The following SCP2 variants were observed in gnomAD, a reference collection of about 807,000 sequenced individuals.
SCP2 encodes sterol carrier protein 2, also known as SCP-2/3-oxoacyl-CoA thiolase.
SCP2 carries 48 observed loss-of-function variants against 71.4 expected under a neutral mutation model. The observed-to-expected ratio is 0.67, with a 90% CI of 0.53 to 0.86. The LOEUF (loss-of-function observed/expected upper bound fraction) is 0.86, where lower values mean the gene tolerates loss of function less well. Ranked by LOEUF, SCP2 falls within the 40% of genes least tolerant of loss-of-function variation. The pLI, the probability that SCP2 is intolerant of heterozygous loss-of-function variation, is 0.00. For synonymous variants in SCP2, 220 were observed against 218.1 expected, an observed-to-expected ratio of 1.01 and a Z score of -0.08; for missense variants, 560 against 655.6, an observed-to-expected ratio of 0.85 and a Z score of 1.59.
intron 11 of SCP2, among the ~76,000 whole-genome samples, chr1:52,988,625 T>G (rs1659198961): frequency 6.6e-6 from 1 of 152,134 alleles, no homozygotes; most frequent in Non-Finnish European, 1.5e-5. Flanking sequence ...TGGTTTCTGT[T>G]TTTTTAAATA....
At chr1:52,989,210 T>C (rs1023190925) in intron 11 of SCP2, among the ~76,000 whole-genome samples, 1 of 152,218 alleles carries the variant, frequency 6.6e-6, no homozygotes, top group Non-Finnish European at 1.5e-5. Context: ...CTAAGAATTA[T>C]GGGGATGATC....
At chr1:53,032,014 T>C (rs4638058) in intron 13 of SCP2, among the ~76,000 whole-genome samples, 48,145 of 152,170 alleles carry the variant, frequency 0.32, 12,731 homozygotes, top group African/African-American at 0.72. Context: ...GGCCACTGGC[T>C]CTAGAGAAAG....
rs773337705 is a variant in SCP2, at chr1:52,961,556, G to A, written c.450G>A (p.Lys150=). 4 of 1,613,788 alleles carry A rather than the reference G, an allele frequency of 2.5e-6. No homozygotes were observed. The highest frequency in any genetic ancestry group is 1.7e-6 in the Non-Finnish European group (2 of 1,179,780). ...TDKHVDLLIN[K]YGLSAHPVAP... is the part of the protein sequence containing the mutation. ...AGCATGTTGACCTCCTGATCAATAA[G>A]TATGGATTGTCTGCTCACCCAGTTG... Residue 150 remains lysine, a synonymous_variant, in exon 6 of 16, where the codon AAG becomes AAA. Transcript: ENST00000371514.
chr1:52,947,889 T>C, intron 2 of SCP2, 120 bp from the exon 3 acceptor site: 1 of 720,636 alleles, frequency 1.4e-6, no homozygotes, highest in Admixed American at 2.0e-5. Flanking sequence ...GGATTTGTCA[T>C]TTGAATTGAG....
At position 52,948,005 on chromosome 1, in the gene SCP2, A is replaced by G; in HGVS notation, c.128-4A>G. On this transcript the variant is annotated splice_polypyrimidine_tract_variant and splice_region_variant and intron_variant, in intron 2 of 15. Coordinates refer to ENST00000371514, the MANE Select transcript of SCP2 (RefSeq NM_002979.5). ...TTTTTGATAAAAACCTTTCGTTTTT[A>G]TAGGCAAGAAGGCTTTAGCTGATGC... 1 of 1,607,958 alleles carries G rather than the reference A, an allele frequency of 6.2e-7. No homozygotes were observed. Among genetic ancestry groups the G allele is most frequent in the Non-Finnish European group, 8.5e-7 (1 of 1,174,558 alleles).
At chr1:52,940,645 A>G (rs1443773288) in intron 1 of SCP2, among the ~76,000 whole-genome samples, 1 of 152,262 alleles carries the variant, frequency 6.6e-6, no homozygotes, top group Non-Finnish European at 1.5e-5. Flanking sequence ...GAGTAAATAC[A>G]TGTGAAATGC....
intron 11 of SCP2, among the ~76,000 whole-genome samples, chr1:53,014,224 C>T (rs932026093): frequency 2.0e-5 from 3 of 152,018 alleles, no homozygotes; most frequent in Non-Finnish European, 4.4e-5. Flanking sequence ...CATTCTTAAC[C>T]CAGCTCTCCT....
rs74460603 is a variant in SCP2, at chr1:53,015,731, C to T, written c.1235+688C>T. ...CATGTTCAGGTCTTCCCTTAGATCT[C>T]TTTTTCTCCTTGCCTTAATTGTTGT... On this transcript the variant is annotated intron_variant, in intron 12 of 15. Transcript: ENST00000371514. 5.0e-3 allele frequency among the ~76,000 whole-genome samples: 759 copies of T among 152,306 alleles called. 8 individuals carry two copies. Among genetic ancestry groups the T allele is most frequent in the African/African-American group, 0.016 (671 of 41,568 alleles).
intron 6 of SCP2, 47 bp downstream of exon 6, chr1:52,961,676 A>T (rs772968821): frequency 6.6e-7 from 1 of 1,504,224 alleles, no homozygotes; most frequent in East Asian, 2.3e-5. Context: ...AGTTATATAC[A>T]TGAGATGAGA....
chr1:52,940,682 G>A (rs1156841543), intron 1 of SCP2, among the ~76,000 whole-genome samples: 2 of 152,136 alleles, frequency 1.3e-5, no homozygotes, highest in South Asian at 2.1e-4. Context: ...CACAGTAAGC[G>A]CCCAATAAAT....
chr1:53,042,250 G>A (rs1663487025), intron 14 of SCP2, among the ~76,000 whole-genome samples: 1 of 151,670 alleles, frequency 6.6e-6, no homozygotes, highest in African/African-American at 2.4e-5. Context: ...AGAACTTCAG[G>A]AATTATAGTA....
intron 11 of SCP2, chr1:52,993,312 C>T (rs1174625517): frequency 6.2e-7 from 1 of 1,614,214 alleles, no homozygotes; most frequent in South Asian, 1.1e-5. Flanking sequence ...TCATGGAAAG[C>T]TTGATCTACA....
intron 5 of SCP2, among the ~76,000 whole-genome samples, chr1:52,960,566 G>GTA (rs761551892): frequency 7.0e-6 from 1 of 142,902 alleles, no homozygotes; most frequent in African/African-American, 2.6e-5. Flanking sequence ...ATATATGTAT[G>GTA]TATATATATG....
chr1:52,995,670 A>G (rs1659882973), intron 11 of SCP2: 4 of 709,322 alleles, frequency 5.6e-6, no homozygotes, highest in South Asian at 1.4e-5. Context: ...ATGGATGTCC[A>G]TGAGCAGTTG....
chr1:52,960,513 T>TATATAC (rs1656261237), intron 5 of SCP2, among the ~76,000 whole-genome samples: 5 of 149,476 alleles, frequency 3.3e-5, no homozygotes, highest in African/African-American at 9.9e-5. Context: ...TGTGTGTGTG[T>TATATAC]GTGTGTATAT....
rs147630093 is a variant in SCP2 at position 52,986,755 on chromosome 1, T to G, written c.974-1274T>G. 6.2e-3 allele frequency among the ~76,000 whole-genome samples: 950 copies of G among 152,110 alleles called. 14 individuals carry two copies. The highest frequency in any genetic ancestry group is 0.022 in the African/African-American group (913 of 41,510). On this transcript the variant is annotated intron_variant, in intron 10 of 15. Transcript: ENST00000371514. ...ATTAAATTTTATAAATAGTCATCAC[T>G]CAGTATCTGTGGGGTTTTTTTTCTA...
chr1:52,953,144 C>T (rs1386319888), intron 4 of SCP2, among the ~76,000 whole-genome samples: 7 of 150,316 alleles, frequency 4.7e-5, no homozygotes, highest in South Asian at 4.2e-4. Flanking sequence ...TAGGGGCCCC[C>T]CTCTCTCCAA....
At chr1:52,929,405 T>G (rs1381334453) in intron 1 of SCP2, among the ~76,000 whole-genome samples, 1 of 151,784 alleles carries the variant, frequency 6.6e-6, no homozygotes. Context: ...ACTAGATGGG[T>G]CTCATTTCTA....
intron 10 of SCP2, among the ~76,000 whole-genome samples, chr1:52,986,303 G>A (rs1018278663): frequency 6.6e-6 from 1 of 152,112 alleles, no homozygotes; most frequent in Admixed American, 6.6e-5. Context: ...ACTTTTAGGG[G>A]TTAGCTTGTG....
Sources: allele counts gnomAD v4.1 joint callset (sites outside exome capture counted in the v4.1 genomes callset), GRCh38; gene constraint gnomAD v4.1.1; transcripts MANE v1.5; gene names NCBI Gene and HGNC (gene_info 2026-07-23, HGNC 2026-07-21).